The following GRSF1 variants were observed in gnomAD, a reference collection of about 807,000 sequenced individuals.
The protein encoded by GRSF1 is G-rich RNA sequence binding factor 1.
Under a neutral mutation model 51.1 loss-of-function variants are expected in GRSF1, and 50 were observed. The ratio of observed to expected loss-of-function variants is 0.98; its 90% CI spans 0.78 to 1.24. The LOEUF is 1.24. GRSF1 is among the 50% of genes most tolerant of loss of function. The probability of loss-of-function intolerance (pLI) is 0.00; values close to 1 mark genes in which losing one functional copy is unlikely to be tolerated. For synonymous variants in GRSF1, 293 were observed against 253.3 expected, an observed-to-expected ratio of 1.16 and a Z score of -1.49; for missense variants, 700 against 639.7, an observed-to-expected ratio of 1.09 and a Z score of -1.02.
Position 70,831,570 on chromosome 4 carries a change from G to T in GRSF1, c.919C>A (p.Leu307Met). ...CCAATTTCTTCCCTGTGTTTCAACA[G>T]GGCTTGGTTGGCCATTTCTGGTTCT... is the stretch of plus-strand genomic sequence containing the variant. ...FEEPEMANQA[L>M]LKHREEIGNR... Residue 307 changes from leucine (L) to methionine (M), a missense_variant, in exon 5 of 10, where the codon CTG becomes ATG. Transcript: ENST00000254799. 1 of 1,613,772 alleles carries T rather than the reference G, an allele frequency of 6.2e-7. No individual in the cohort carries two copies. Among genetic ancestry groups the T allele is most frequent in the Admixed American group, 1.7e-5 (1 of 60,006 alleles).
chr4:70,834,866 G>A (rs890154285), intron 2 of GRSF1, among the ~76,000 whole-genome samples: 50 of 151,922 alleles, frequency 3.3e-4, no homozygotes, highest in African/African-American at 1.1e-3. Flanking sequence ...CTCGTGATCC[G>A]CCCGCCTCGG....
chr4:70,831,029 T>G (rs1733945558), intron 5 of GRSF1, among the ~76,000 whole-genome samples: 1 of 152,188 alleles, frequency 6.6e-6, no homozygotes, highest in African/African-American at 2.4e-5. Flanking sequence ...CTAGCTGCTC[T>G]AGGTACTCTG....
At chr4:70,840,538 G>A (rs896527805), upstream of GRSF1, among the ~76,000 whole-genome samples, 1 of 152,112 alleles carries the variant, frequency 6.6e-6, no homozygotes, top group Admixed American at 6.6e-5. Context: ...GAGGTAGGGC[G>A]GATCACCTGA....
At chr4:70,832,237 C>A in intron 4 of GRSF1, 70 bp downstream of exon 4, 2 of 1,346,310 alleles carry the variant, frequency 1.5e-6, no homozygotes, top group South Asian at 1.3e-5. Flanking sequence ...ACAGGCTCAT[C>A]TAAGATATAG....
intron 5 of GRSF1, among the ~76,000 whole-genome samples, chr4:70,830,100 G>GT (rs1186661269): frequency 4.9e-4 from 74 of 152,174 alleles, no homozygotes; most frequent in African/African-American, 1.8e-3. Flanking sequence ...TTAAAAAGGG[G>GT]GGAAGAATAA....
chr4:70,840,088 G>T (rs1392543764), upstream of GRSF1: 12 of 306,220 alleles, frequency 3.9e-5, no homozygotes, highest in East Asian at 5.4e-4. Context: ...GGGCGGGGCT[G>T]CCCATGGTTT....
At position 70,832,326 on chromosome 4, in the gene GRSF1, G is replaced by C; in HGVS notation, c.795C>G (p.Asp265Glu). Residue 265 changes from aspartate (D) to glutamate (E), a missense_variant, in exon 4 of 10, where the codon GAC becomes GAG. Asp to Glu is a conservative substitution (Grantham distance 45). Transcript: ENST00000254799. ...RGLPYSCNEK[D>E]IVDFFAGLNI... ...AAGTACCTGCAAAGAAGTCTACAATGTCTTTCTCATTGCAACTATAAGGAA... is the reference window on the plus strand; with the variant it reads ...AAGTACCTGCAAAGAAGTCTACAATCTCTTTCTCATTGCAACTATAAGGAA... 1 of 1,613,574 alleles carries C rather than the reference G, an allele frequency of 6.2e-7. No individual in the cohort carries two copies. Among genetic ancestry groups the C allele is most frequent in the Admixed American group, 1.7e-5 (1 of 60,002 alleles).
chr4:70,835,421 TC>T (rs1387873318), intron 2 of GRSF1, among the ~76,000 whole-genome samples: 1 of 136,188 alleles, frequency 7.3e-6, no homozygotes, highest in East Asian at 2.5e-4. Context: ...AGAGCGAGAC[TC>T]CGTCTCAAAA....
At chr4:70,833,373 A>G (rs1734064961) in intron 2 of GRSF1, 100 bp from the exon 3 acceptor site, 1 of 985,438 alleles carries the variant, frequency 1.0e-6, no homozygotes, top group Admixed American at 2.2e-5. Flanking sequence ...AAAGCAGGAA[A>G]CAAGTGTCAT....
Position 70,819,363 on chromosome 4 carries a change from T to C in GRSF1, c.*1524A>G, listed in dbSNP as rs1245621930. On this transcript the variant is annotated 3_prime_UTR_variant, in exon 10 of 10. Transcript: ENST00000254799. ...CCATATATGAAAACGCATTTCCATC[T>C]AGGCAGTACTACTGATGATGTTAAG... is the stretch of plus-strand genomic sequence containing the variant. 6.6e-6 allele frequency: 1 copy of C among 152,160 alleles called. No individual in the cohort carries two copies. Among genetic ancestry groups the C allele is most frequent in the African/African-American group, 2.4e-5 (1 of 41,436 alleles). 9.4% of individuals were successfully genotyped at this position (152,160 alleles called of 1,614,324 possible). A position where few individuals can be genotyped will look rare whatever the true frequency, so the allele number is the denominator to read the frequency against.
chr4:70,829,279 ACTT>A (rs966668113), intron 5 of GRSF1, among the ~76,000 whole-genome samples: 13 of 152,080 alleles, frequency 8.5e-5, no homozygotes, highest in African/African-American at 3.1e-4. Flanking sequence ...GATGAGCACT[ACTT>A]CTTTAAAAAA....
intron 5 of GRSF1, among the ~76,000 whole-genome samples, chr4:70,829,751 G>A (rs1223441441): frequency 6.6e-6 from 1 of 152,150 alleles, no homozygotes; most frequent in Non-Finnish European, 1.5e-5. Flanking sequence ...GCTGAAATGA[G>A]CAGTGTTTGT....
chr4:70,826,737 A>ACT (rs2148838588), intron 6 of GRSF1, among the ~76,000 whole-genome samples: 1 of 152,180 alleles, frequency 6.6e-6, no homozygotes, highest in South Asian at 2.1e-4. Flanking sequence ...AGTTCCAGCT[A>ACT]CTCAGGAGGC....
chr4:70,838,468 C>A (rs183974914), intron 1 of GRSF1, among the ~76,000 whole-genome samples: 1 of 152,232 alleles, frequency 6.6e-6, no homozygotes, highest in Admixed American at 6.5e-5. Flanking sequence ...AAGTATTGGG[C>A]CAGGATTCAA....
Position 70,823,974 on chromosome 4 carries a change from C to CTTTTTTTTTT in GRSF1, c.*25+319_*25+320insAAAAAAAAAA, listed in dbSNP as rs577909875. ...AAATAATTTCCACAGTTGTATCTCT[C>CTTTTTTTTTT]TCTTTTTTTTTTTTTTTTTTGAGTC... On this transcript the variant is annotated intron_variant, in intron 9 of 9. Coordinates refer to ENST00000254799, the MANE Select transcript of GRSF1 (RefSeq NM_002092.4). Among the ~76,000 whole-genome samples the CTTTTTTTTTT allele has an allele frequency of 3.5e-4, 35 of 100,956 alleles. 10 individuals are homozygous for CTTTTTTTTTT. The highest frequency in any genetic ancestry group is 7.2e-4 in the East Asian group (2 of 2,796). The allele number at this position is 100,956 out of a possible 152,430, so 66.2% of individuals were successfully genotyped here. A position where few individuals can be genotyped will look rare whatever the true frequency, so the allele number is the denominator to read the frequency against.
At chr4:70,826,594 C>T (rs1162849304) in intron 6 of GRSF1, among the ~76,000 whole-genome samples, 1 of 150,196 alleles carries the variant, frequency 6.7e-6, no homozygotes, top group Non-Finnish European at 1.5e-5. Context: ...AATCCCAACA[C>T]TTTGGAAGGC....
Position 70,836,016 on chromosome 4 carries a change from G to A in GRSF1, c.514+142C>T, listed in dbSNP as rs545116197. On this transcript the variant is annotated intron_variant, in intron 2 of 9. Coordinates refer to ENST00000254799, the MANE Select transcript of GRSF1 (RefSeq NM_002092.4). The stretch of plus-strand genomic sequence containing the variant: ...TGAGACAGTTCCCAACCATCAAAAA[G>A]GAAGGTGACAGCGTAGTCTGACATG... 1.0e-5 allele frequency: 5 copies of A among 492,730 alleles called. No individual in the cohort carries two copies. In the Admixed American group the frequency reaches 1.6e-4, roughly 16 times the overall value. The allele number at this position is 492,730 out of a possible 1,614,324, so 30.5% of individuals were successfully genotyped here. A position where few individuals can be genotyped will look rare whatever the true frequency, so the allele number is the denominator to read the frequency against.
At chr4:70,828,252 A>T (rs907105987) in intron 5 of GRSF1, among the ~76,000 whole-genome samples, 4 of 152,336 alleles carry the variant, frequency 2.6e-5, no homozygotes, top group Admixed American at 2.6e-4. Context: ...CATCAAGGTA[A>T]CACTTTTTCT....
intron 1 of GRSF1, chr4:70,839,247 A>T: frequency 6.8e-7 from 1 of 1,474,454 alleles, no homozygotes; most frequent in South Asian, 1.2e-5. Flanking sequence ...CCGACCAGAG[A>T]CTCGAGGCGA....
Sources: allele counts gnomAD v4.1 joint callset (sites outside exome capture counted in the v4.1 genomes callset), GRCh38; gene constraint gnomAD v4.1.1; transcripts MANE v1.5; gene names NCBI Gene and HGNC (gene_info 2026-07-23, HGNC 2026-07-21).